DCBLD1: variants seen among roughly 807,000 people sequenced by gnomAD.
DCBLD1 encodes the protein discoidin, CUB and LCCL domain-containing protein 1.
A neutral mutation model predicts 71.5 loss-of-function variants in DCBLD1; 57 were observed. The observed-to-expected ratio is 0.80, with a 90% CI of 0.64 to 0.99. The LOEUF (loss-of-function observed/expected upper bound fraction) is 0.99. DCBLD1 is among the 50% of genes least tolerant of loss of function. The pLI is 0.00. For synonymous variants in DCBLD1, 380 were observed against 363.8 expected (o/e 1.04, Z -0.51); for missense variants, 891 against 923.5 (o/e 0.96, Z 0.46).
intron 14 of DCBLD1, among the ~76,000 whole-genome samples, chr6:117,558,884 A>G (rs1365840715): frequency 6.6e-6 from 1 of 152,226 alleles, no homozygotes; most frequent in Non-Finnish European, 1.5e-5. Flanking sequence ...CTTCAGGCAC[A>G]GTAAACCGCA....
intron 2 of DCBLD1, among the ~76,000 whole-genome samples, chr6:117,511,416 A>G (rs1288444483): frequency 6.6e-6 from 1 of 152,216 alleles, no homozygotes; most frequent in African/African-American, 2.4e-5. Context: ...GTTCTGCATA[A>G]TGATTTGCAC....
chr6:117,563,899 G>C (rs1038039487), intron 14 of DCBLD1, among the ~76,000 whole-genome samples: 2 of 150,910 alleles, frequency 1.3e-5, no homozygotes, highest in African/African-American at 4.9e-5. Context: ...ATCAAATATT[G>C]TACAGATTTA....
chr6:117,548,800 A>AT lies in DCBLD1; in HGVS notation c.*365dup, dbSNP rs1455077592. The AT allele has an allele frequency of 1.7e-5, 19 of 1,104,220 alleles. No individual in the cohort carries two copies. The highest frequency in any genetic ancestry group is 3.3e-5 in the African/African-American group (2 of 59,760). The allele number at this position is 1,104,220 out of a possible 1,614,324, so 68.4% of individuals were successfully genotyped here. A position where few individuals can be genotyped will look rare whatever the true frequency, so the allele number is the denominator to read the frequency against. ...AAGTAACTTAAGTTTGCTCTATCAG[A>AT]TTTTAGTTCTGCACAGAGGTTAAGT... On this transcript the variant is annotated 3_prime_UTR_variant, in exon 15 of 15. Coordinates refer to ENST00000338728, the MANE Select transcript of DCBLD1 (RefSeq NM_001366458.2).
chr6:117,548,487 C>T lies in DCBLD1; in HGVS notation c.*48C>T. 6.5e-7 allele frequency: 1 copy of T among 1,546,356 alleles called. No individual in the cohort carries two copies. ...TGTGGTACTGAGCGTCGGGCTGTCA[C>T]AAGGCACTGGAAGAAGGGAGCCTGC... On this transcript the variant is annotated 3_prime_UTR_variant, in exon 15 of 15. Transcript: ENST00000338728.
At chr6:117,556,179 TCCTTGTTATAGTCCATTA>T (rs1469723054) in intron 14 of DCBLD1, among the ~76,000 whole-genome samples, 1 of 152,222 alleles carries the variant, frequency 6.6e-6, no homozygotes, top group Admixed American at 6.5e-5. Context: ...TATCTAATTT[TCCTTGTTATAGTCCATTA>T]CCTATCTTCC....
intron 2 of DCBLD1, among the ~76,000 whole-genome samples, chr6:117,519,152 A>T (rs1260593320): frequency 6.6e-6 from 1 of 152,164 alleles, no homozygotes; most frequent in Non-Finnish European, 1.5e-5. Context: ...TCCAAATGTA[A>T]TTTTGCCCTT....
chr6:117,517,088 C>G (rs1778225618), intron 2 of DCBLD1, among the ~76,000 whole-genome samples: 1 of 152,222 alleles, frequency 6.6e-6, no homozygotes, highest in African/African-American at 2.4e-5. Context: ...CAGTCCAAAT[C>G]TCATCTGAGA....
rs1777745333 is a variant in DCBLD1, at chr6:117,503,851, C to T, written c.197C>T (p.Thr66Ile). The change falls in exon 2 of 15, where the codon ACT (threonine) becomes ATT (isoleucine). Residue 66 changes from threonine (T) to isoleucine (I), a missense_variant. By Grantham distance (89) the Thr-to-Ile change is moderately conservative. Coordinates refer to ENST00000338728, the MANE Select transcript of DCBLD1 (RefSeq NM_001366458.2). ...KNYPGTYPNH[T>I]VCEKTITVPK... is the part of the protein sequence containing the mutation. ...TATCCCGGGACCTACCCCAATCACA[C>T]TGTTTGCGAAAAGACAATTACAGTA... 4.3e-6 allele frequency: 7 copies of T among 1,614,012 alleles called. No individual in the cohort carries two copies. Among genetic ancestry groups the T allele is most frequent in the Admixed American group, 1.7e-5 (1 of 60,010 alleles).
At chr6:117,565,081 A>G (rs1779668180) in intron 14 of DCBLD1, among the ~76,000 whole-genome samples, 1 of 152,226 alleles carries the variant, frequency 6.6e-6, no homozygotes, top group African/African-American at 2.4e-5. Flanking sequence ...ATCTAAAAAA[A>G]AATTCATTTC....
chr6:117,516,419 A>G (rs1778201920), intron 2 of DCBLD1, among the ~76,000 whole-genome samples: 1 of 152,112 alleles, frequency 6.6e-6, no homozygotes, highest in South Asian at 2.1e-4. Context: ...GAGTGTTTCT[A>G]AAGAGGGAAG....
intron 1 of DCBLD1, among the ~76,000 whole-genome samples, chr6:117,501,935 G>A (rs1259294245): frequency 1.3e-5 from 2 of 152,090 alleles, no homozygotes; most frequent in Non-Finnish European, 1.5e-5. Context: ...ATCATTTCTG[G>A]ACTGAACAAG....
chr6:117,507,337 A>C (rs1335563024), intron 2 of DCBLD1, among the ~76,000 whole-genome samples: 4 of 152,206 alleles, frequency 2.6e-5, no homozygotes, highest in Non-Finnish European at 5.9e-5. Context: ...ATCCAGCAAA[A>C]TATGCACTTG....
At chr6:117,505,686 G>T (rs1208398474) in intron 2 of DCBLD1, among the ~76,000 whole-genome samples, 1 of 152,156 alleles carries the variant, frequency 6.6e-6, no homozygotes, top group Admixed American at 6.5e-5. Flanking sequence ...GGCAGAAAAG[G>T]TCAGGGGCGG....
chr6:117,489,282 T>G (rs951383783), intron 1 of DCBLD1, among the ~76,000 whole-genome samples: 2 of 152,088 alleles, frequency 1.3e-5, no homozygotes, highest in African/African-American at 4.8e-5. Flanking sequence ...CCAGCTCTTG[T>G]GTGAAGTAGT....
In DCBLD1 at chr6:117,544,468, G is replaced by A. The variant is rs1298618577; in HGVS notation, c.1446-60G>A. On this transcript the variant is annotated intron_variant, in intron 12 of 14. Transcript: ENST00000338728. ...ACTATTATGATCCTTATGTTATATA[G>A]GGAGAGAGAGGCAGATACATTGGCT... The A allele has an allele frequency of 1.0e-5, 16 of 1,559,238 alleles. No homozygotes were observed. In the East Asian group the frequency reaches 3.6e-4, roughly 35 times the overall value.
At chr6:117,515,762 C>G (rs1284760482) in intron 2 of DCBLD1, among the ~76,000 whole-genome samples, 1 of 152,156 alleles carries the variant, frequency 6.6e-6, no homozygotes, top group Admixed American at 6.5e-5. Context: ...CTCTTCCTGA[C>G]TTCTCCATAG....
chr6:117,482,710 C>T lies in DCBLD1; in HGVS notation c.-72C>T. 1 of 1,100,742 alleles carries T rather than the reference C, an allele frequency of 9.1e-7. No individual in the cohort carries two copies. Among genetic ancestry groups the T allele is most frequent in the Non-Finnish European group, 1.1e-6 (1 of 904,880 alleles). The allele number at this position is 1,100,742 out of a possible 1,614,324, so 68.2% of individuals were successfully genotyped here. On this transcript the variant is annotated 5_prime_UTR_variant, in exon 1 of 15. Transcript: ENST00000338728. ...GCGCTCGTCCGCAGAGGAGGCGGCCCGGCCCGGGCAGCTGCGGCTCGGGAT... is the reference window on the plus strand; with the variant it reads ...GCGCTCGTCCGCAGAGGAGGCGGCCTGGCCCGGGCAGCTGCGGCTCGGGAT...
At chr6:117,533,627 G>C (rs914884898) in intron 6 of DCBLD1, among the ~76,000 whole-genome samples, 2 of 152,174 alleles carry the variant, frequency 1.3e-5, no homozygotes, top group African/African-American at 4.8e-5. Context: ...AAGTTCTGAA[G>C]AACCGACTTA....
At chr6:117,516,975 C>T (rs1778222013) in intron 2 of DCBLD1, among the ~76,000 whole-genome samples, 1 of 152,190 alleles carries the variant, frequency 6.6e-6, no homozygotes, top group African/African-American at 2.4e-5. Flanking sequence ...CATTTCGACC[C>T]TGGCCCCTCC....
Sources: gnomAD v4.1 joint callset for allele counts (sites outside exome capture counted in the v4.1 genomes callset) on GRCh38, gnomAD v4.1.1 for gene constraint, MANE v1.5 for transcripts, NCBI Gene and HGNC (gene_info 2026-07-23, HGNC 2026-07-21) for gene names.